CCSER1: variants seen among roughly 807,000 people sequenced by gnomAD.
CCSER1 encodes serine-rich coiled-coil domain-containing protein 1.
Under a neutral mutation model 82.0 loss-of-function variants are expected in CCSER1, and 41 were observed. The ratio of observed to expected loss-of-function variants is 0.50; its 90% confidence interval spans 0.39 to 0.65. The LOEUF (loss-of-function observed/expected upper bound fraction) is 0.65. Among genes scored for constraint, CCSER1 ranks in the 30% least tolerant of loss-of-function variants. The pLI, the probability that CCSER1 is intolerant of heterozygous loss-of-function variation, is 0.00. For synonymous variants in CCSER1, 414 were observed against 383.9 expected, an observed-to-expected ratio of 1.08 and a Z score of -0.92; for missense variants, 1,119 against 1,064.2, an observed-to-expected ratio of 1.05 and a Z score of -0.72.
chr4:90,725,682 ATACT>A, intron 7 of CCSER1, among the ~76,000 whole-genome samples: 1 of 151,844 alleles, frequency 6.6e-6, no homozygotes, highest in Non-Finnish European at 1.5e-5. Flanking sequence ...GAGTAATATA[ATACT>A]TAATGTTACA....
At chr4:90,954,962 C>T (rs1733283242) in intron 9 of CCSER1, among the ~76,000 whole-genome samples, 1 of 152,146 alleles carries the variant, frequency 6.6e-6, no homozygotes, top group Non-Finnish European at 1.5e-5. Flanking sequence ...CTATCTTCCA[C>T]CAGATACTTT....
chr4:90,308,836 T>G lies in CCSER1; in HGVS notation c.552T>G (p.Ser184=), dbSNP rs1356720822. ...CAACAAGGAAGCTACTCCCTAAATCTTTTTCATCTCACTATAAATTTTCTA... is the reference window on the plus strand; with the variant it reads ...CAACAAGGAAGCTACTCCCTAAATCGTTTTCATCTCACTATAAATTTTCTA... ...KQSTRKLLPK[S]FSSHYKFSKP... The change falls in exon 2 of 11, where the codon TCT becomes TCG. Residue 184 remains serine (S), a synonymous_variant. Transcript: ENST00000509176. 2 of 1,613,672 alleles carry G rather than the reference T, an allele frequency of 1.2e-6. No individual in the cohort carries two copies. Among genetic ancestry groups the G allele is most frequent in the Non-Finnish European group, 1.7e-6 (2 of 1,179,820 alleles).
At chr4:90,318,728 G>T (rs1307472888) in intron 3 of CCSER1, among the ~76,000 whole-genome samples, 1 of 152,046 alleles carries the variant, frequency 6.6e-6, no homozygotes, top group Non-Finnish European at 1.5e-5. Flanking sequence ...TTCTTCTGGG[G>T]CCTGCTGTTT....
At chr4:90,969,461 C>A (rs1032159239) in intron 9 of CCSER1, among the ~76,000 whole-genome samples, 1 of 151,974 alleles carries the variant, frequency 6.6e-6, no homozygotes, top group South Asian at 2.1e-4. Flanking sequence ...GATGATTTCT[C>A]AGCAGAAAGC....
intron 5 of CCSER1, among the ~76,000 whole-genome samples, chr4:90,484,455 TTAG>T (rs1766641385): frequency 6.6e-6 from 1 of 152,194 alleles, no homozygotes; most frequent in South Asian, 2.1e-4. Context: ...GCTTTGATTT[TTAG>T]AGTTTCTGGT....
chr4:91,485,706 G>A (rs1172172815), intron 10 of CCSER1, among the ~76,000 whole-genome samples: 4 of 151,964 alleles, frequency 2.6e-5, no homozygotes, highest in Non-Finnish European at 4.4e-5. Context: ...TAATGCACTT[G>A]GACACATTTT....
intron 1 of CCSER1, among the ~76,000 whole-genome samples, chr4:90,198,450 T>C (rs191001625): frequency 1.2e-4 from 19 of 152,288 alleles, no homozygotes; most frequent in South Asian, 8.3e-4. Context: ...TTTGGTGCTG[T>C]GCTAGGTTTG....
intron 10 of CCSER1, among the ~76,000 whole-genome samples, chr4:91,444,362 T>A (rs903033088): frequency 6.6e-6 from 1 of 152,202 alleles, no homozygotes; most frequent in African/African-American, 2.4e-5. Context: ...ATAAAATGTC[T>A]AATGATGTAA....
intron 8 of CCSER1, among the ~76,000 whole-genome samples, chr4:90,838,035 GTTTAT>G (rs1312622856): frequency 6.6e-6 from 1 of 151,122 alleles, no homozygotes; most frequent in Non-Finnish European, 1.5e-5. Context: ...ACACTTTATT[GTTTAT>G]TTTGATTAAT....
chr4:90,767,733 G>A (rs1418399339), intron 7 of CCSER1, among the ~76,000 whole-genome samples: 4 of 152,140 alleles, frequency 2.6e-5, no homozygotes, highest in African/African-American at 9.6e-5. Context: ...GGAGTGCAGT[G>A]GTGCTATCTC....
At chr4:90,792,211 T>A (rs955133166) in intron 7 of CCSER1, among the ~76,000 whole-genome samples, 1 of 152,168 alleles carries the variant, frequency 6.6e-6, no homozygotes. Context: ...AAATTTTATA[T>A]TGATGCTCGA....
At position 90,498,537 on chromosome 4, in the gene CCSER1, T is replaced by C. The variant is rs138437734; in HGVS notation, c.1724+30183T>C. On this transcript the variant is annotated intron_variant, in intron 5 of 10. Coordinates refer to ENST00000509176, the MANE Select transcript of CCSER1 (RefSeq NM_001145065.2). ...GAGTATCCTCATGAAATCTGATACATACAATAGACTTGAAGTATAAGTTAC... is the reference window on the plus strand; with the variant it reads ...GAGTATCCTCATGAAATCTGATACACACAATAGACTTGAAGTATAAGTTAC... Among the ~76,000 whole-genome samples the C allele has an allele frequency of 1.2e-4, 18 of 152,320 alleles. 1 individual carries two copies. The highest frequency in any genetic ancestry group is 3.8e-4 in the African/African-American group (16 of 41,578).
chr4:90,493,344 G>C (rs1290134639), intron 5 of CCSER1, among the ~76,000 whole-genome samples: 1 of 152,130 alleles, frequency 6.6e-6, no homozygotes, highest in African/African-American at 2.4e-5. Context: ...CTCTCTGCAG[G>C]ATATTATACA....
At chr4:90,135,641 C>G (rs1024250088) in intron 1 of CCSER1, among the ~76,000 whole-genome samples, 1 of 152,192 alleles carries the variant, frequency 6.6e-6, no homozygotes, top group African/African-American at 2.4e-5. Context: ...CTCTGGAGTG[C>G]TTTCTAAACG....
At chr4:91,187,053 T>G (rs1734610165) in intron 10 of CCSER1, among the ~76,000 whole-genome samples, 1 of 152,244 alleles carries the variant, frequency 6.6e-6, no homozygotes, top group Non-Finnish European at 1.5e-5. Flanking sequence ...CCAGGTAGCA[T>G]CTGTCACAGC....
At chr4:90,304,027 G>A (rs1733721791) in intron 1 of CCSER1, among the ~76,000 whole-genome samples, 1 of 152,104 alleles carries the variant, frequency 6.6e-6, no homozygotes, top group African/African-American at 2.4e-5. Flanking sequence ...CATTTATGCA[G>A]CCAAAAAACA....
intron 10 of CCSER1, among the ~76,000 whole-genome samples, chr4:91,396,491 G>A (rs1331908422): frequency 6.6e-6 from 1 of 151,286 alleles, no homozygotes; most frequent in East Asian, 1.9e-4. Flanking sequence ...TTGGCAACTT[G>A]TACTAGAAGA....
intron 1 of CCSER1, among the ~76,000 whole-genome samples, chr4:90,193,976 G>C (rs901419816): frequency 2.6e-5 from 4 of 151,968 alleles, no homozygotes; most frequent in Admixed American, 6.6e-5. Context: ...TGTAGATTTA[G>C]TAAACATTTC....
At chr4:90,193,942 G>C (rs1053322661) in intron 1 of CCSER1, among the ~76,000 whole-genome samples, 2 of 152,006 alleles carry the variant, frequency 1.3e-5, no homozygotes, top group Admixed American at 6.6e-5. Flanking sequence ...GGGCAAGATG[G>C]TCATTTAAAT....
Sources: allele counts gnomAD v4.1 joint callset (sites outside exome capture counted in the v4.1 genomes callset), GRCh38; gene constraint gnomAD v4.1.1; transcripts MANE v1.5; gene names NCBI Gene and HGNC (gene_info 2026-07-23, HGNC 2026-07-21).